PDZK1: variants seen among roughly 807,000 people sequenced by gnomAD.
The protein encoded by PDZK1 is Na(+)/H(+) exchange regulatory cofactor NHE-RF3.
In PDZK1, 23 loss-of-function variants were observed where a neutral mutation model predicts 38.1. The observed-to-expected ratio is 0.60, with a 90% confidence interval of 0.43 to 0.85. The LOEUF (loss-of-function observed/expected upper bound fraction) is 0.85, where lower values mean the gene tolerates loss of function less well. PDZK1 is among the 40% of genes least tolerant of loss of function. PDZK1 has a pLI of 0.00. For synonymous variants in PDZK1, 98 were observed against 186.2 expected (o/e 0.53, Z 3.86); for missense variants, 297 against 504.3 (o/e 0.59, Z 3.94).
At chr1:145,682,880 A>G (rs1654403865) in intron 3 of PDZK1, among the ~76,000 whole-genome samples, 1 of 152,200 alleles carries the variant, frequency 6.6e-6, no homozygotes. Context: ...GCTGGAGCAC[A>G]TATACCCTTT....
In PDZK1 at chr1:145,686,488, T is replaced by C; in HGVS notation, c.449A>G (p.Lys150Arg). Residue 150 changes from lysine to arginine, a missense_variant, in exon 3 of 9, where the codon AAA (lysine) becomes AGA (arginine). Physicochemically the swap from Lys to Arg is conservative, Grantham distance 26. Around this residue, in one of 5 missense-constraint regions of PDZK1, gnomAD observed 159 missense variants for 200.0 expected, o/e 0.79. Coordinates refer to ENST00000417171, the MANE Select transcript of PDZK1 (RefSeq NM_001201325.2). ...CAAAAAATTCTCACCTTGGACAGTT[T>C]TCAGAGAGAAGCCATAGCTGCCTCC... ...KEGGSYGFSL[K>R]TVQGKKGVYM... 6.2e-7 allele frequency: 1 copy of C among 1,612,022 alleles called. No individual in the cohort carries two copies. Among genetic ancestry groups the C allele is most frequent in the Non-Finnish European group, 8.5e-7 (1 of 1,179,850 alleles).
At chr1:145,683,908 G>T (rs1268782362) in intron 3 of PDZK1, among the ~76,000 whole-genome samples, 1 of 149,380 alleles carries the variant, frequency 6.7e-6, no homozygotes, top group Non-Finnish European at 1.5e-5. Flanking sequence ...ACGCAGGGCC[G>T]CAATCTTGGC....
chr1:145,695,758 C>G (rs1655593984), intron 1 of PDZK1, among the ~76,000 whole-genome samples: 2 of 152,114 alleles, frequency 1.3e-5, no homozygotes, highest in African/African-American at 2.4e-5. Flanking sequence ...CAAAATCCTA[C>G]TCACACGTGA....
chr1:145,673,357 T>C (rs1653286444), intron 7 of PDZK1, among the ~76,000 whole-genome samples: 1 of 151,924 alleles, frequency 6.6e-6, no homozygotes, highest in African/African-American at 2.4e-5. Flanking sequence ...TTATGCCAAA[T>C]GCACAGAAGC....
At chr1:145,677,942 T>C (rs1653873039) in intron 6 of PDZK1, among the ~76,000 whole-genome samples, 1 of 112,840 alleles carries the variant, frequency 8.9e-6, no homozygotes, top group African/African-American at 3.4e-5. Context: ...AAAAAAAACC[T>C]TAAAACATGC....
chr1:145,692,167 T>C (rs1278113986), intron 1 of PDZK1, among the ~76,000 whole-genome samples: 1 of 152,086 alleles, frequency 6.6e-6, no homozygotes, highest in African/African-American at 2.4e-5. Context: ...TCTGGCAAAG[T>C]AGAAAGAACT....
chr1:145,706,444 C>T (rs1335219957), intron 1 of PDZK1, among the ~76,000 whole-genome samples: 1 of 152,176 alleles, frequency 6.6e-6, no homozygotes, highest in African/African-American at 2.4e-5. Flanking sequence ...CCCCCTCTTG[C>T]CTTCTAGATA....
intron 1 of PDZK1, chr1:145,691,906 T>C (rs377253245): frequency 6.6e-6 from 1 of 151,864 alleles, no homozygotes; most frequent in Middle Eastern, 3.4e-3. Context: ...TGTTTATCTG[T>C]GGGAAAGAGA....
In PDZK1 at chr1:145,686,650, A is replaced by T. The variant is rs782400849; in HGVS notation, c.287T>A (p.Val96Glu). Residue 96 changes from valine to glutamate, a missense_variant, in exon 3 of 9, where the codon GTG (valine) becomes GAG (glutamate). Physicochemically the swap from Val to Glu is moderately radical, Grantham distance 121. Coordinates refer to ENST00000417171, the MANE Select transcript of PDZK1 (RefSeq NM_001201325.2). ...VLDGDSYEKA[V>E]KTRVDLKELG... ...CTCTTTCAAGTCCACCCGTGTTTTCACTGCTTTCTCATAGGAATCCCCATC... is the reference window on the plus strand; with the variant it reads ...CTCTTTCAAGTCCACCCGTGTTTTCTCTGCTTTCTCATAGGAATCCCCATC... The T allele has an allele frequency of 1.3e-6, 2 of 1,592,798 alleles. No homozygotes were observed. The highest frequency in any genetic ancestry group is 4.5e-5 in the East Asian group (2 of 44,616).
chr1:145,705,832 C>G (rs1479794399), intron 1 of PDZK1, among the ~76,000 whole-genome samples: 18 of 152,258 alleles, frequency 1.2e-4, no homozygotes, highest in Admixed American at 1.2e-3. Flanking sequence ...CTCACTGTAG[C>G]CTCGACCCCC....
intron 3 of PDZK1, among the ~76,000 whole-genome samples, chr1:145,684,225 T>TC (rs1177673061): frequency 6.7e-6 from 1 of 148,370 alleles, no homozygotes; most frequent in African/African-American, 2.5e-5. Context: ...TTTTTTTTTT[T>TC]TGAGACGGAG....
At chr1:145,707,138 T>G (rs782328290) in intron 1 of PDZK1, among the ~76,000 whole-genome samples, 179 bp downstream of exon 1, 1 of 152,034 alleles carries the variant, frequency 6.6e-6, no homozygotes, top group Non-Finnish European at 1.5e-5. Context: ...TCTCAGAGCG[T>G]GGATCATCTC....
intron 6 of PDZK1, among the ~76,000 whole-genome samples, chr1:145,676,408 C>T (rs1553699272): frequency 6.6e-6 from 1 of 151,922 alleles, no homozygotes; most frequent in Non-Finnish European, 1.5e-5. Flanking sequence ...CCTATGGCTT[C>T]TCTGGTCCTG....
intron 1 of PDZK1, among the ~76,000 whole-genome samples, chr1:145,704,705 C>T (rs183149295): frequency 2.0e-4 from 30 of 152,256 alleles, no homozygotes; most frequent in African/African-American, 6.0e-4. Flanking sequence ...TCATGAAGGA[C>T]CAAAGAAAGA....
In PDZK1 at chr1:145,687,955, A is replaced by G; in HGVS notation, c.67T>C (p.Phe23Leu). 1 of 1,612,544 alleles carries G rather than the reference A, an allele frequency of 6.2e-7. No homozygotes were observed. The highest frequency in any genetic ancestry group is 8.5e-7 in the Non-Finnish European group (1 of 1,179,598). ...SKQEGQNYGFFLRIEKDTEGH... is the reference protein window; with the variant it reads ...SKQEGQNYGFLLRIEKDTEGH... ...TCGGTGTCCTTCTCAATTCGCAGGA[A>G]GAAGCCATAGTTTTGCCCTTCTTGC... Residue 23 changes from phenylalanine to leucine, a missense_variant, in exon 2 of 9, where the codon TTC becomes CTC. By Grantham distance (22) the Phe-to-Leu change is conservative (BLOSUM62 0). Around this residue, in one of 5 missense-constraint regions of PDZK1, gnomAD observed 159 missense variants for 200.0 expected, o/e 0.79. Coordinates refer to ENST00000417171, the MANE Select transcript of PDZK1 (RefSeq NM_001201325.2).
chr1:145,705,300 AAG>A (rs1656186344), intron 1 of PDZK1, among the ~76,000 whole-genome samples: 1 of 152,134 alleles, frequency 6.6e-6, no homozygotes, highest in African/African-American at 2.4e-5. Context: ...CATGTTGGCC[AAG>A]CTGGTCTTGA....
intron 8 of PDZK1, 90 bp downstream of exon 8, chr1:145,672,640 T>C: frequency 6.7e-7 from 1 of 1,503,436 alleles, no homozygotes; most frequent in Non-Finnish European, 9.0e-7. Flanking sequence ...TAAAAAAATC[T>C]GTGGCAAACA....
chr1:145,706,617 T>C (rs1428119926), intron 1 of PDZK1, among the ~76,000 whole-genome samples: 1 of 152,216 alleles, frequency 6.6e-6, no homozygotes, highest in Non-Finnish European at 1.5e-5. Flanking sequence ...TTAAGTCTCA[T>C]GAGTCTTCTG....
intron 4 of PDZK1, among the ~76,000 whole-genome samples, chr1:145,682,009 A>AACACACACACACACACAC (rs71077284): frequency 1.8e-5 from 2 of 108,316 alleles, no homozygotes; most frequent in East Asian, 2.8e-4. Flanking sequence ...ATCTCTACAA[A>AACACACACACACACACAC]ACACACACAC....
Sources: gnomAD v4.1 joint callset for allele counts (sites outside exome capture counted in the v4.1 genomes callset) on GRCh38, gnomAD v4.1.1 for gene constraint, gnomAD v4.1.1 regional missense constraint, MANE v1.5 for transcripts, NCBI Gene and HGNC (gene_info 2026-07-23, HGNC 2026-07-21) for gene names.